Variants in RALGPS1 observed in about 807,000 individuals in gnomAD.
RALGPS1 encodes ras-specific guanine nucleotide-releasing factor RalGPS1.
In RALGPS1, 19 loss-of-function variants were observed where a neutral mutation model predicts 78.8. The ratio of observed to expected loss-of-function variants is 0.24; its 90% confidence interval spans 0.17 to 0.35. RALGPS1 has a LOEUF of 0.35. RALGPS1 is among the 10% of genes least tolerant of loss of function. The pLI, the probability that RALGPS1 is intolerant of heterozygous loss-of-function variation, is 1.00. For missense variants in RALGPS1, 454 were observed against 688.3 expected (o/e 0.66, Z 3.81); for synonymous variants, 228 against 256.3 (o/e 0.89, Z 1.06).
chr9:126,986,684 G>A (rs2041833078), intron 4 of RALGPS1, among the ~76,000 whole-genome samples: 1 of 152,206 alleles, frequency 6.6e-6, no homozygotes, highest in Non-Finnish European at 1.5e-5. Flanking sequence ...AGGGGAAACT[G>A]CTGTTCTTAG....
At chr9:127,017,063 T>A (rs1373970933) in intron 4 of RALGPS1, 1 of 152,198 alleles carries the variant, frequency 6.6e-6, no homozygotes, top group East Asian at 1.9e-4. Flanking sequence ...GGAAAGTATC[T>A]CCTTAATAAT....
chr9:127,170,765 A>C (rs994712705), intron 10 of RALGPS1, among the ~76,000 whole-genome samples: 1 of 152,212 alleles, frequency 6.6e-6, no homozygotes, highest in Non-Finnish European at 1.5e-5. Context: ...TACTCCTTCT[A>C]CTTTGAAGGA....
intron 8 of RALGPS1, among the ~76,000 whole-genome samples, chr9:127,139,084 A>G (rs546147793): frequency 1.0e-3 from 159 of 152,282 alleles, no homozygotes; most frequent in African/African-American, 3.7e-3. Context: ...AAGGGATGGA[A>G]GATGATCCTG....
At chr9:127,017,380 C>A (rs930317040) in intron 4 of RALGPS1, among the ~76,000 whole-genome samples, 8 of 151,920 alleles carry the variant, frequency 5.3e-5, no homozygotes, top group Non-Finnish European at 1.2e-4. Context: ...AGAAAAGGTA[C>A]AATAAAAATA....
At chr9:127,104,189 C>T (rs1190339335) in intron 8 of RALGPS1, among the ~76,000 whole-genome samples, 2 of 152,152 alleles carry the variant, frequency 1.3e-5, no homozygotes, top group African/African-American at 4.8e-5. Flanking sequence ...GGAGAGAAAA[C>T]AGCTAAAAGT....
At chr9:127,056,591 T>G (rs2048763040) in intron 7 of RALGPS1, among the ~76,000 whole-genome samples, 1 of 152,148 alleles carries the variant, frequency 6.6e-6, no homozygotes, top group African/African-American at 2.4e-5. Flanking sequence ...TTCATCCAAA[T>G]CACCCCCAGC....
At chr9:127,051,839 G>C (rs1437926414) in intron 6 of RALGPS1, among the ~76,000 whole-genome samples, 1 of 152,208 alleles carries the variant, frequency 6.6e-6, no homozygotes, top group Non-Finnish European at 1.5e-5. Flanking sequence ...TAAAAAGCAA[G>C]TACAATCCAG....
intron 10 of RALGPS1, among the ~76,000 whole-genome samples, chr9:127,174,339 C>G (rs542987577): frequency 6.6e-6 from 1 of 152,048 alleles, no homozygotes; most frequent in South Asian, 2.1e-4. Context: ...AAAGAAAAAA[C>G]TAACTCTGGT....
intron 11 of RALGPS1, among the ~76,000 whole-genome samples, chr9:127,182,420 CCCTT>C (rs1176131696): frequency 1.0e-4 from 11 of 107,848 alleles, no homozygotes; most frequent in Non-Finnish European, 1.6e-4. Flanking sequence ...CTTCCTTCCT[CCCTT>C]CCTTCCTTCC....
chr9:127,152,052 AT>A (rs1204245712), intron 8 of RALGPS1, among the ~76,000 whole-genome samples: 2 of 151,608 alleles, frequency 1.3e-5, no homozygotes, highest in African/African-American at 2.4e-5. Flanking sequence ...GTATTCTTTG[AT>A]TTTTTTTCAT....
intron 8 of RALGPS1, among the ~76,000 whole-genome samples, chr9:127,076,838 C>T (rs557942857): frequency 6.6e-6 from 1 of 152,196 alleles, no homozygotes; most frequent in Non-Finnish European, 1.5e-5. Flanking sequence ...CTGGGGGAAC[C>T]AGGAAGGGCT....
intron 8 of RALGPS1, among the ~76,000 whole-genome samples, chr9:127,139,725 T>C (rs2057642669): frequency 6.6e-6 from 1 of 152,212 alleles, no homozygotes; most frequent in African/African-American, 2.4e-5. Flanking sequence ...TCGGCCTCCA[T>C]GTAGGTAGAA....
chr9:127,165,981 T>C, intron 8 of RALGPS1, 88 bp from the exon 9 acceptor site: 6 of 1,453,128 alleles, frequency 4.1e-6, no homozygotes, highest in Non-Finnish European at 5.4e-6. Flanking sequence ...ACCCTTTATA[T>C]TTTTTAGCAG....
chr9:127,155,440 G>T (rs1002939536), intron 8 of RALGPS1, among the ~76,000 whole-genome samples: 1 of 152,196 alleles, frequency 6.6e-6, no homozygotes, highest in Non-Finnish European at 1.5e-5. Context: ...CTCTGCTGAG[G>T]CTCAGAGGCA....
intron 4 of RALGPS1, among the ~76,000 whole-genome samples, chr9:127,000,332 T>C (rs1225636650): frequency 6.6e-6 from 1 of 152,112 alleles, no homozygotes; most frequent in African/African-American, 2.4e-5. Flanking sequence ...CATCTAATGC[T>C]ATAAATTTTC....
rs372888642 is a variant in RALGPS1 at position 126,982,784 on chromosome 9, CTCTTCT to C, written c.216+5054_216+5059del. ...TTTAAAATATTTCTTCTTCTTCTTC[CTCTTCT>C]TCTTCTTCTTCTTCCTTCTTTCTTC... On this transcript the variant is annotated intron_variant, in intron 4 of 18. Transcript: ENST00000259351. Among the ~76,000 whole-genome samples the C allele has an allele frequency of 8.9e-4, 133 of 149,538 alleles. 1 individual carries two copies. Among genetic ancestry groups the C allele is most frequent in the African/African-American group, 2.6e-3 (105 of 39,976 alleles).
intron 8 of RALGPS1, among the ~76,000 whole-genome samples, chr9:127,117,681 G>A (rs919087169): frequency 1.3e-5 from 2 of 152,250 alleles, no homozygotes; most frequent in African/African-American, 4.8e-5. Context: ...TTGCTTGAGA[G>A]CCTGGGCCTG....
At chr9:127,016,052 AT>A in intron 4 of RALGPS1, among the ~76,000 whole-genome samples, 1 of 135,442 alleles carries the variant, frequency 7.4e-6, no homozygotes, top group African/African-American at 2.8e-5. Flanking sequence ...TGAGTTTTCC[AT>A]TTGCATTTTT....
intron 3 of RALGPS1, among the ~76,000 whole-genome samples, chr9:126,974,368 G>A (rs1395975335): frequency 1.3e-5 from 2 of 152,112 alleles, no homozygotes; most frequent in East Asian, 1.9e-4. Flanking sequence ...TGTTCTGTGC[G>A]CCCTCCTGGC....
Sources: allele counts gnomAD v4.1 joint callset (sites outside exome capture counted in the v4.1 genomes callset), GRCh38; gene constraint gnomAD v4.1.1; transcripts MANE v1.5; gene names NCBI Gene and HGNC (gene_info 2026-07-23, HGNC 2026-07-21).